NRP1: variants seen among roughly 807,000 people sequenced by gnomAD.
The protein encoded by NRP1 is neuropilin 1.
Under a neutral mutation model 106.7 loss-of-function variants are expected in NRP1, and 35 were observed. The ratio of observed to expected loss-of-function variants is 0.33; its 90% CI spans 0.25 to 0.43. NRP1 has a LOEUF of 0.43. Ranked by LOEUF, NRP1 falls within the 20% of genes least tolerant of loss-of-function variation. The pLI is 1.00. For synonymous variants in NRP1, 437 were observed against 417.9 expected (o/e 1.05, Z -0.56); for missense variants, 1,024 against 1,170.4 (o/e 0.87, Z 1.83).
chr10:33,289,321 C>G (rs1323864711), intron 2 of NRP1, among the ~76,000 whole-genome samples: 6 of 152,130 alleles, frequency 3.9e-5, no homozygotes, highest in African/African-American at 7.2e-5. Context: ...ACTTAGGGGG[C>G]TTAGTCTCAC....
intron 8 of NRP1, 168 bp from the exon 9 acceptor site, chr10:33,213,885 C>A (rs1838535532): frequency 3.3e-6 from 2 of 607,304 alleles, no homozygotes; most frequent in Non-Finnish European, 5.6e-6. Context: ...AAACCTTCCT[C>A]CTGCTCTGTC....
At chr10:33,191,774 C>T (rs1218052216) in intron 13 of NRP1, among the ~76,000 whole-genome samples, 4 of 151,940 alleles carry the variant, frequency 2.6e-5, no homozygotes, top group Non-Finnish European at 4.4e-5. Flanking sequence ...GTCAGGAGTT[C>T]GAGACCAGCC....
chr10:33,278,731 T>G (rs1471203734), intron 2 of NRP1, among the ~76,000 whole-genome samples: 4 of 152,144 alleles, frequency 2.6e-5, no homozygotes, highest in Non-Finnish European at 4.4e-5. Flanking sequence ...ATATATATCA[T>G]ACTGAGATGA....
intron 2 of NRP1, among the ~76,000 whole-genome samples, chr10:33,285,114 A>G (rs775279232): frequency 2.6e-5 from 4 of 152,252 alleles, no homozygotes; most frequent in Non-Finnish European, 4.4e-5. Flanking sequence ...CTAAACAAGT[A>G]CGATGCTGAT....
chr10:33,314,604 T>C (rs1329584319), intron 2 of NRP1, among the ~76,000 whole-genome samples: 2 of 152,180 alleles, frequency 1.3e-5, no homozygotes, highest in Non-Finnish European at 2.9e-5. Flanking sequence ...CTACTTTGCC[T>C]CTTCCTCTTG....
rs1835460297 is a variant in NRP1, at chr10:33,177,699, T to C, written c.*2377A>G. 2 of 152,606 alleles carry C rather than the reference T, an allele frequency of 1.3e-5. No individual in the cohort carries two copies. The highest frequency in any genetic ancestry group is 2.9e-5 in the Non-Finnish European group (2 of 68,034). The allele number at this position is 152,606 out of a possible 1,614,324, so 9.5% of individuals were successfully genotyped here. A position where few individuals can be genotyped will look rare whatever the true frequency, so the allele number is the denominator to read the frequency against. ...TATTGTCATAGAAAATAATAATTTC[T>C]GTAAAAAAAATCTGCACAAAATCTT... On this transcript the variant is annotated 3_prime_UTR_variant, in exon 17 of 17. Coordinates refer to ENST00000374867, the MANE Select transcript of NRP1 (RefSeq NM_003873.7).
chr10:33,330,014 A>G (rs1044974823), intron 2 of NRP1, among the ~76,000 whole-genome samples: 1 of 152,244 alleles, frequency 6.6e-6, no homozygotes, highest in Admixed American at 6.5e-5. Context: ...TTAGAAACTT[A>G]ACAATAGAAA....
intron 10 of NRP1, chr10:33,206,120 C>G: frequency 2.1e-6 from 1 of 479,712 alleles, no homozygotes; most frequent in Non-Finnish European, 4.2e-6. Flanking sequence ...AAAACTGCCA[C>G]CAGGCTGTCT....
At chr10:33,213,264 C>T (rs1047130189) in intron 9 of NRP1, 122 bp downstream of exon 9, 15 of 1,611,316 alleles carry the variant, frequency 9.3e-6, no homozygotes, top group Non-Finnish European at 1.3e-5. Context: ...GACCCCATCA[C>T]ACACCTCCTC....
At chr10:33,200,462 C>A (rs1194061451) in intron 11 of NRP1, among the ~76,000 whole-genome samples, 6 of 152,172 alleles carry the variant, frequency 3.9e-5, no homozygotes, top group Admixed American at 3.9e-4. Flanking sequence ...CATTTCATTA[C>A]AATATTTCTC....
At chr10:33,207,012 ATG>A (rs1837839601) in intron 10 of NRP1, among the ~76,000 whole-genome samples, 1 of 152,174 alleles carries the variant, frequency 6.6e-6, no homozygotes. Context: ...TAATGTCTTG[ATG>A]TCTTAGTCTG....
chr10:33,294,905 T>C (rs1369008997), intron 2 of NRP1, among the ~76,000 whole-genome samples: 1 of 152,172 alleles, frequency 6.6e-6, no homozygotes, highest in Non-Finnish European at 1.5e-5. Flanking sequence ...GTGTTTGGGT[T>C]TCATCATAGC....
intron 2 of NRP1, among the ~76,000 whole-genome samples, chr10:33,330,006 A>G (rs947897708): frequency 1.3e-5 from 2 of 152,268 alleles, no homozygotes; most frequent in African/African-American, 4.8e-5. Flanking sequence ...GTTGATGTTT[A>G]GAAACTTAAC....
chr10:33,249,655 C>A (rs535450946), intron 6 of NRP1: 1 of 366,482 alleles, frequency 2.7e-6, no homozygotes, highest in African/African-American at 2.1e-5. Flanking sequence ...GAAAAAAAGG[C>A]AGGGCAGGCA....
At chr10:33,309,241 T>A (rs1266471825) in intron 2 of NRP1, among the ~76,000 whole-genome samples, 1 of 152,210 alleles carries the variant, frequency 6.6e-6, no homozygotes, top group Non-Finnish European at 1.5e-5. Context: ...TGGCCACTAC[T>A]AATCAGTCAG....
At chr10:33,232,409 A>T (rs925460902) in intron 6 of NRP1, among the ~76,000 whole-genome samples, 11 of 152,078 alleles carry the variant, frequency 7.2e-5, no homozygotes, top group African/African-American at 2.7e-4. Context: ...TTCACATCTG[A>T]GTTGGATATA....
rs139571140 is a variant in NRP1 at position 33,251,987 on chromosome 10, C to T, written c.981+2041G>A. On this transcript the variant is annotated intron_variant, in intron 6 of 16. Coordinates refer to ENST00000374867, the MANE Select transcript of NRP1 (RefSeq NM_003873.7). ...GTGAAGACAGGTACTCCTGCTTTCC[C>T]GCCTAAATGTTGCATTTTCCAAGAC... 3.6e-3 allele frequency among the ~76,000 whole-genome samples: 545 copies of T among 152,238 alleles called. 2 individuals are homozygous for T. Among genetic ancestry groups the T allele is most frequent in the Non-Finnish European group, 6.3e-3 (428 of 68,026 alleles).
chr10:33,282,443 T>C (rs2804460), intron 2 of NRP1, among the ~76,000 whole-genome samples: 91,803 of 152,082 alleles, frequency 0.6, 28,306 homozygotes, highest in East Asian at 0.82. Flanking sequence ...AAAATCCTCC[T>C]GATTAATTAG....
At chr10:33,284,934 C>G (rs1466121594) in intron 2 of NRP1, among the ~76,000 whole-genome samples, 1 of 151,752 alleles carries the variant, frequency 6.6e-6, no homozygotes, top group African/African-American at 2.4e-5. Context: ...AAGCACAGAT[C>G]AGAAGCAATA....
Sources: gnomAD v4.1 joint callset for allele counts (sites outside exome capture counted in the v4.1 genomes callset) on GRCh38, gnomAD v4.1.1 for gene constraint, MANE v1.5 for transcripts, NCBI Gene and HGNC (gene_info 2026-07-23, HGNC 2026-07-21) for gene names.